Variants in SMYD3 observed in about 807,000 individuals in gnomAD.
SMYD3 encodes the protein SET and MYND domain containing 3, also known as histone-lysine N-methyltransferase SMYD3.
In SMYD3, 36 loss-of-function variants were observed where a neutral mutation model predicts 57.7. The ratio of observed to expected loss-of-function variants is 0.62; its 90% CI spans 0.48 to 0.82. The LOEUF (loss-of-function observed/expected upper bound fraction) is 0.82. SMYD3 is among the 40% of genes least tolerant of loss of function. The probability of loss-of-function intolerance (pLI) is 0.00; values close to 1 mark genes in which losing one functional copy is unlikely to be tolerated. For synonymous variants in SMYD3, 211 were observed against 195.0 expected, an observed-to-expected ratio of 1.08 and a Z score of -0.68; for missense variants, 515 against 538.8, an observed-to-expected ratio of 0.96 and a Z score of 0.44.
At chr1:246,157,175 G>T (rs905593490) in intron 5 of SMYD3, among the ~76,000 whole-genome samples, 1 of 152,098 alleles carries the variant, frequency 6.6e-6, no homozygotes. Flanking sequence ...TGTCCCTTCG[G>T]GGCGCCCCCT....
At chr1:246,423,063 C>G (rs535890070) in intron 1 of SMYD3, among the ~76,000 whole-genome samples, 1 of 152,114 alleles carries the variant, frequency 6.6e-6, no homozygotes, top group African/African-American at 2.4e-5. Context: ...CTTTGGGAGG[C>G]CAAGGCAGGC....
At chr1:245,849,596 T>G (rs1483996127) in intron 10 of SMYD3, among the ~76,000 whole-genome samples, 1 of 152,206 alleles carries the variant, frequency 6.6e-6, no homozygotes, top group Non-Finnish European at 1.5e-5. Context: ...TTATCACTTC[T>G]GATTTGAAAT....
At chr1:246,022,006 C>T (rs185904638) in intron 5 of SMYD3, among the ~76,000 whole-genome samples, 99 of 152,254 alleles carry the variant, frequency 6.5e-4, no homozygotes, top group African/African-American at 2.0e-3. Flanking sequence ...GGACACTGAT[C>T]GCTGGAAACA....
chr1:246,201,938 G>A lies in SMYD3; in HGVS notation c.531+125263C>T, dbSNP rs962561646. ...TGAGGCAGGAGAATCGCTTGCACCC[G>A]GGAGGTGGAGGTTGCAGTGAGCTGA... On this transcript the variant is annotated intron_variant, in intron 5 of 11. Transcript: ENST00000490107. Among the ~76,000 whole-genome samples, 9 of 151,814 alleles carry A rather than the reference G, an allele frequency of 5.9e-5. No homozygotes were observed. The East Asian group carries it at 9.7e-4, about 16-fold the overall frequency.
At chr1:246,236,324 G>C (rs1457346266) in intron 5 of SMYD3, among the ~76,000 whole-genome samples, 1 of 152,096 alleles carries the variant, frequency 6.6e-6, no homozygotes, top group African/African-American at 2.4e-5. Context: ...TCAACCTCCT[G>C]GGCTCAGGCA....
At chr1:246,289,922 G>A (rs745595373) in intron 5 of SMYD3, among the ~76,000 whole-genome samples, 4 of 152,252 alleles carry the variant, frequency 2.6e-5, no homozygotes, top group South Asian at 4.1e-4. Context: ...CAGACAGTAC[G>A]ACTCACTTGT....
At chr1:246,400,338 T>C (rs2066747658) in intron 1 of SMYD3, among the ~76,000 whole-genome samples, 5 of 152,246 alleles carry the variant, frequency 3.3e-5, no homozygotes, top group Admixed American at 3.3e-4. Context: ...TTTACAAATA[T>C]TCTTCGCAGC....
At chr1:246,444,269 GCA>G (rs564770572) in intron 1 of SMYD3, among the ~76,000 whole-genome samples, 2,288 of 152,176 alleles carry the variant, frequency 0.015, 27 homozygotes, top group Non-Finnish European at 0.024. Context: ...GGGATTACAG[GCA>G]TGTGCCACCA....
chr1:245,836,193 A>G (rs1338627405), intron 10 of SMYD3, among the ~76,000 whole-genome samples: 1 of 152,244 alleles, frequency 6.6e-6, no homozygotes, highest in Non-Finnish European at 1.5e-5. Context: ...AGCTGGATAT[A>G]AACAGAAGCA....
intron 5 of SMYD3, among the ~76,000 whole-genome samples, chr1:246,187,499 A>G (rs917133911): frequency 6.6e-6 from 1 of 152,210 alleles, no homozygotes; most frequent in Non-Finnish European, 1.5e-5. Context: ...TTTCTTTTAA[A>G]ATGCTCAAGA....
At chr1:246,221,335 T>C (rs564526068) in intron 5 of SMYD3, among the ~76,000 whole-genome samples, 2 of 152,254 alleles carry the variant, frequency 1.3e-5, no homozygotes, top group African/African-American at 4.8e-5. Flanking sequence ...ACCCTCCACA[T>C]TGCATACCTC....
chr1:245,921,558 TATATATATATATAC>T (rs2055947017), intron 7 of SMYD3, among the ~76,000 whole-genome samples: 1 of 146,878 alleles, frequency 6.8e-6, no homozygotes, highest in African/African-American at 2.5e-5. Flanking sequence ...TGTATATATA[TATATATATATATAC>T]ACATACCATG....
intron 5 of SMYD3, among the ~76,000 whole-genome samples, chr1:246,120,812 C>A (rs991215589): frequency 2.4e-4 from 37 of 152,174 alleles, no homozygotes; most frequent in Non-Finnish European, 4.4e-5. Flanking sequence ...TAGTTATGTA[C>A]ACATCTGTCT....
chr1:246,051,414 C>G (rs1433348646), intron 5 of SMYD3, among the ~76,000 whole-genome samples: 1 of 152,092 alleles, frequency 6.6e-6, no homozygotes, highest in African/African-American at 2.4e-5. Flanking sequence ...AGCCACCTCA[C>G]CCAGCCAATA....
intron 5 of SMYD3, among the ~76,000 whole-genome samples, chr1:246,081,816 T>C (rs958377321): frequency 2.6e-5 from 4 of 152,360 alleles, no homozygotes; most frequent in Admixed American, 1.3e-4. Context: ...CCTGGCACTT[T>C]GGGATGCCAA....
intron 10 of SMYD3, among the ~76,000 whole-genome samples, chr1:245,773,678 A>G (rs2046428245): frequency 6.6e-6 from 1 of 152,244 alleles, no homozygotes; most frequent in Non-Finnish European, 1.5e-5. Flanking sequence ...TTAGAGTGTG[A>G]AACATTTGAT....
intron 5 of SMYD3, among the ~76,000 whole-genome samples, chr1:246,083,539 T>G (rs995198182): frequency 2.8e-4 from 9 of 32,420 alleles, no homozygotes; most frequent in Non-Finnish European, 5.0e-4. Flanking sequence ...CACTTTTCCT[T>G]CTCTATACTT....
intron 1 of SMYD3, among the ~76,000 whole-genome samples, chr1:246,365,040 G>C (rs1049682637): frequency 4.6e-5 from 7 of 152,110 alleles, no homozygotes; most frequent in African/African-American, 1.7e-4. Flanking sequence ...TAGAGATAAA[G>C]CCAATACACA....
intron 5 of SMYD3, among the ~76,000 whole-genome samples, chr1:245,945,160 G>A (rs978753328): frequency 5.9e-5 from 9 of 151,980 alleles, no homozygotes; most frequent in African/African-American, 2.2e-4. Flanking sequence ...AAGAGCTTTC[G>A]CACAGCAAAA....
Sources: allele counts gnomAD v4.1 joint callset (sites outside exome capture counted in the v4.1 genomes callset), GRCh38; gene constraint gnomAD v4.1.1; transcripts MANE v1.5; gene names NCBI Gene and HGNC (gene_info 2026-07-23, HGNC 2026-07-21).